CACNA2D4: variants seen among roughly 807,000 people sequenced by gnomAD.
CACNA2D4 encodes the protein calcium voltage-gated channel auxiliary subunit alpha2delta 4, also known as voltage-dependent calcium channel subunit alpha-2/delta-4.
Under a neutral mutation model 163.8 loss-of-function variants are expected in CACNA2D4, and 157 were observed. The ratio of observed to expected loss-of-function variants is 0.96; its 90% CI spans 0.84 to 1.09. The LOEUF (loss-of-function observed/expected upper bound fraction) is 1.09. Ranked by LOEUF, CACNA2D4 falls within the 50% of genes least tolerant of loss-of-function variation. The pLI is 0.00. For missense variants in CACNA2D4, 1,410 were observed against 1,479.9 expected, an observed-to-expected ratio of 0.95 and a Z score of 0.78; for synonymous variants, 598 against 586.9, an observed-to-expected ratio of 1.02 and a Z score of -0.27.
chr12:1,832,280 T>A (rs1302639731), intron 26 of CACNA2D4, among the ~76,000 whole-genome samples: 1 of 152,212 alleles, frequency 6.6e-6, no homozygotes, highest in East Asian at 1.9e-4. Context: ...CCTTTCGCTG[T>A]GGCAGGGCCT....
intron 26 of CACNA2D4, among the ~76,000 whole-genome samples, chr12:1,831,680 C>T (rs1252392099): frequency 6.6e-6 from 1 of 152,120 alleles, no homozygotes. Context: ...AGAAAAGTCA[C>T]AAGCCTCCCC....
chr12:1,793,606 T>A lies in CACNA2D4; in HGVS notation c.*49A>T. ...CCATGTCAGTGCTGACTTTTTGGGA[T>A]GGCTCTGGAAGGATCACCTTGCCAA... On this transcript the variant is annotated 3_prime_UTR_variant, in exon 38 of 38. Coordinates refer to ENST00000382722, the MANE Select transcript of CACNA2D4 (RefSeq NM_172364.5). 1 of 1,539,782 alleles carries A rather than the reference T, an allele frequency of 6.5e-7. No individual in the cohort carries two copies. The highest frequency in any genetic ancestry group is 2.2e-5 in the East Asian group (1 of 44,562).
At chr12:1,905,262 G>A (rs1049244170) in intron 6 of CACNA2D4, among the ~76,000 whole-genome samples, 17 of 152,092 alleles carry the variant, frequency 1.1e-4, no homozygotes, top group African/African-American at 4.1e-4. Flanking sequence ...CATACTCTAT[G>A]GTGAAAGACT....
rs1441558867 is a variant in CACNA2D4 at position 1,795,022 on chromosome 12, C to A, written c.3309+277G>T. 8.8e-6 allele frequency: 5 copies of A among 567,664 alleles called. No individual in the cohort carries two copies. In the East Asian group the frequency reaches 1.1e-4, roughly 13 times the overall value. 35.2% of individuals were successfully genotyped at this position (567,664 alleles called of 1,614,324 possible). ...CCTGTGAAGGAACCAGGGACTAAGA[C>A]CAAACACTATAACAAAAGATGCACC... On this transcript the variant is annotated intron_variant, in intron 37 of 37. Coordinates refer to ENST00000382722, the MANE Select transcript of CACNA2D4 (RefSeq NM_172364.5).
At chr12:1,845,388 G>C (rs1229611640) in intron 24 of CACNA2D4, among the ~76,000 whole-genome samples, 1 of 151,914 alleles carries the variant, frequency 6.6e-6, no homozygotes, top group East Asian at 1.9e-4. Context: ...GGGATGGGTG[G>C]GGGGGAGGAG....
intron 24 of CACNA2D4, among the ~76,000 whole-genome samples, chr12:1,845,538 C>T (rs768066673): frequency 9.9e-5 from 15 of 152,156 alleles, no homozygotes; most frequent in Non-Finnish European, 1.9e-4. Context: ...GCGTGCTTAG[C>T]GAGAGGAGCA....
chr12:1,842,608 T>TCACC (rs1555180847), intron 25 of CACNA2D4, among the ~76,000 whole-genome samples: 3 of 151,526 alleles, frequency 2.0e-5, no homozygotes, highest in African/African-American at 7.3e-5. Flanking sequence ...GCTCAGCTTC[T>TCACC]CACCCACCCA....
At chr12:1,861,181 CAG>C (rs762539304) in intron 18 of CACNA2D4, among the ~76,000 whole-genome samples, 17 of 152,208 alleles carry the variant, frequency 1.1e-4, no homozygotes, top group African/African-American at 3.4e-4. Context: ...AGAAGGGACA[CAG>C]AGAGAGAGGA....
rs1289331661 is a variant in CACNA2D4 at position 1,802,152 on chromosome 12, G to A, written c.2722-508C>T. On this transcript the variant is annotated intron_variant, in intron 29 of 37. Transcript: ENST00000382722. This position sits in a 1 kb window ranked among gnomAD's most constrained non-coding sequence, Gnocchi z 4.7. ...GTGTCCTCATCTTCCCAGTGTGAGA[G>A]GGCTGCTGTGGCTTTTGCTGTCCCT... Among the ~76,000 whole-genome samples the A allele has an allele frequency of 1.3e-5, 2 of 151,994 alleles. No homozygotes were observed. The highest frequency in any genetic ancestry group is 2.9e-5 in the Non-Finnish European group (2 of 67,986).
intron 24 of CACNA2D4, 139 bp downstream of exon 24, chr12:1,846,455 T>C (rs117757079): frequency 0.033 from 22,201 of 666,414 alleles, 506 homozygotes; most frequent in Middle Eastern, 0.043. Context: ...TCCCGATCCT[T>C]CTGCCCTGCT....
At chr12:1,856,850 G>A (rs559596037) in intron 20 of CACNA2D4, among the ~76,000 whole-genome samples, 7 of 152,268 alleles carry the variant, frequency 4.6e-5, no homozygotes, top group Non-Finnish European at 8.8e-5. Flanking sequence ...CTCCACTGAG[G>A]GTAAGTCCAA....
chr12:1,824,436 C>T (rs905957430), intron 26 of CACNA2D4, among the ~76,000 whole-genome samples: 1 of 152,198 alleles, frequency 6.6e-6, no homozygotes, highest in African/African-American at 2.4e-5. Flanking sequence ...CCTCATTTGA[C>T]TGCTTTGAGC....
Position 1,875,252 on chromosome 12 carries a change from G to T in CACNA2D4, c.1805C>A (p.Ser602Tyr), listed in dbSNP as rs550298852. ...SEVEWEDQAE[S>Y]LRTAMINRET... ...CTTCCCCCTATTTTCCCCACTCACA[G>T]ATTCAGCCTGGTCTTCCCACTCCAC... The change falls in exon 17 of 38, where the codon TCT becomes TAT. Residue 602 changes from serine to tyrosine, a missense_variant and splice_region_variant. Coordinates refer to ENST00000382722, the MANE Select transcript of CACNA2D4 (RefSeq NM_172364.5). The surrounding 1 kb of genome is among the most constrained non-coding windows in gnomAD (Gnocchi z 4.0). 1 of 1,610,774 alleles carries T rather than the reference G, an allele frequency of 6.2e-7. No homozygotes were observed. Among genetic ancestry groups the T allele is most frequent in the African/African-American group, 1.3e-5 (1 of 74,964 alleles).
intron 16 of CACNA2D4, among the ~76,000 whole-genome samples, chr12:1,877,440 G>C (rs149179510): frequency 1.3e-3 from 196 of 152,346 alleles, no homozygotes; most frequent in Admixed American, 2.5e-3. Flanking sequence ...AGCATGAACA[G>C]AGTGGCTTCC....
chr12:1,799,838 G>C lies in CACNA2D4; in HGVS notation c.2975-143C>G. On this transcript the variant is annotated intron_variant, in intron 33 of 37. Coordinates refer to ENST00000382722, the MANE Select transcript of CACNA2D4 (RefSeq NM_172364.5). This position sits in a 1 kb window ranked among gnomAD's most constrained non-coding sequence, Gnocchi z 4.7. ...TGATGTCACACACAGAGCCAGGAGT[G>C]AGGGATGTGATGAGAGAAGGCCACG... The C allele has an allele frequency of 7.7e-7, 1 of 1,293,622 alleles. No individual in the cohort carries two copies. Among genetic ancestry groups the C allele is most frequent in the Non-Finnish European group, 1.1e-6 (1 of 916,932 alleles). The allele number at this position is 1,293,622 out of a possible 1,614,324, so 80.1% of individuals were successfully genotyped here. A position where few individuals can be genotyped will look rare whatever the true frequency, so the allele number is the denominator to read the frequency against.
rs1253372726 is a variant in CACNA2D4 at position 1,908,050 on chromosome 12, G to T, written c.487-13C>A. ...TGTAATAGTCGAACTGGGGTGGACG[G>T]GTGAGGCCCACGGAGGCGGCCCGAG... On this transcript the variant is annotated splice_polypyrimidine_tract_variant and intron_variant, in intron 4 of 37. Transcript: ENST00000382722. 6 of 1,603,550 alleles carry T rather than the reference G, an allele frequency of 3.7e-6. No homozygotes were observed. The highest frequency in any genetic ancestry group is 5.1e-6 in the Non-Finnish European group (6 of 1,172,292).
chr12:1,865,654 CCAG>C (rs576632941), intron 18 of CACNA2D4, among the ~76,000 whole-genome samples: 3 of 151,984 alleles, frequency 2.0e-5, no homozygotes, highest in Non-Finnish European at 2.9e-5. Context: ...CGCACGAGGC[CCAG>C]CAGCAGCAGC....
At chr12:1,836,849 C>G (rs1864878076) in intron 26 of CACNA2D4, 1 of 152,618 alleles carries the variant, frequency 6.6e-6, no homozygotes, top group Non-Finnish European at 1.5e-5. Context: ...GCACCGGTGG[C>G]CATGATCCTG....
At chr12:1,854,458 T>A (rs1333768955) in intron 22 of CACNA2D4, among the ~76,000 whole-genome samples, 1 of 152,064 alleles carries the variant, frequency 6.6e-6, no homozygotes, top group African/African-American at 2.4e-5. Flanking sequence ...CAGGCTGGAG[T>A]ACAGTGGCAT....
Sources: gnomAD v4.1 joint callset for allele counts (sites outside exome capture counted in the v4.1 genomes callset) on GRCh38, gnomAD v4.1.1 for gene constraint, Gnocchi (gnomAD v3.1) non-coding constraint, MANE v1.5 for transcripts, NCBI Gene and HGNC (gene_info 2026-07-23, HGNC 2026-07-21) for gene names.